The following NFIB variants were observed in gnomAD, a reference collection of about 807,000 sequenced individuals.
The protein encoded by NFIB is nuclear factor I B, also known as nuclear factor 1 B-type.
NFIB carries 11 observed loss-of-function variants against 61.5 expected under a neutral mutation model. That is an observed-to-expected ratio of 0.18 (90% CI 0.11 to 0.30). NFIB has a LOEUF of 0.30. Among genes scored for constraint, NFIB ranks in the 10% least tolerant of loss-of-function variants. NFIB has a pLI of 1.00. For missense variants in NFIB, 471 were observed against 608.9 expected (o/e 0.77, Z 2.38); for synonymous variants, 260 against 216.5 (o/e 1.20, Z -1.76).
At chr9:14,238,342 G>A (rs1179310514) in intron 2 of NFIB, among the ~76,000 whole-genome samples, 1 of 152,026 alleles carries the variant, frequency 6.6e-6, no homozygotes, top group East Asian at 1.9e-4. Context: ...CTAAAAGTAG[G>A]GGCTACAAAT....
At chr9:14,213,571 A>C (rs2050537161) in intron 2 of NFIB, among the ~76,000 whole-genome samples, 1 of 152,200 alleles carries the variant, frequency 6.6e-6, no homozygotes, top group African/African-American at 2.4e-5. Flanking sequence ...GTGGGACCAA[A>C]CTTTGGGAAC....
the NFIB span, among the ~76,000 whole-genome samples, chr9:14,526,071 T>G: frequency 1.1e-4 from 16 of 152,222 alleles, no homozygotes; most frequent in African/African-American, 3.9e-4. Context: ...CTACCAGCCG[T>G]GAGAGGAGCA....
At chr9:14,137,250 A>C (rs1222579480) in intron 6 of NFIB, among the ~76,000 whole-genome samples, 1 of 152,216 alleles carries the variant, frequency 6.6e-6, no homozygotes, top group East Asian at 1.9e-4. Context: ...CTCAATCTCT[A>C]TCAATCATTT....
At chr9:14,114,626 G>A (rs1377666017) in intron 9 of NFIB, among the ~76,000 whole-genome samples, 1 of 152,138 alleles carries the variant, frequency 6.6e-6, no homozygotes, top group Non-Finnish European at 1.5e-5. Context: ...AGTCAAATCA[G>A]ATCCCTTTTT....
the NFIB span, among the ~76,000 whole-genome samples, chr9:14,435,951 C>A: frequency 8.5e-5 from 13 of 152,366 alleles, no homozygotes; most frequent in Non-Finnish European, 1.9e-4. Flanking sequence ...AATTACTTCA[C>A]ACATTGGATC....
intron 2 of NFIB, among the ~76,000 whole-genome samples, chr9:14,299,489 T>C (rs2059632806): frequency 6.6e-6 from 1 of 152,362 alleles, no homozygotes; most frequent in Middle Eastern, 3.4e-3. Context: ...TGCATGTATT[T>C]AACATGAAAT....
chr9:14,484,315 A>G, the NFIB span, among the ~76,000 whole-genome samples: 1 of 152,176 alleles, frequency 6.6e-6, no homozygotes, highest in South Asian at 2.1e-4. Flanking sequence ...GATACTGCAA[A>G]TGTTATAACT....
chr9:14,186,265 C>CCT (rs932475347), intron 2 of NFIB, among the ~76,000 whole-genome samples: 11 of 152,202 alleles, frequency 7.2e-5, no homozygotes, highest in African/African-American at 2.6e-4. Context: ...CTACAGATAG[C>CCT]CTCTTGCTAG....
At chr9:14,089,639 G>T (rs2033534549) in intron 10 of NFIB, among the ~76,000 whole-genome samples, 1 of 152,082 alleles carries the variant, frequency 6.6e-6, no homozygotes, top group Non-Finnish European at 1.5e-5. Flanking sequence ...GGCCTAGCAT[G>T]GAAACATACT....
intron 1 of NFIB, among the ~76,000 whole-genome samples, chr9:14,309,548 T>TATGCGAG (rs1180323821): frequency 1.3e-5 from 2 of 152,238 alleles, no homozygotes; most frequent in Non-Finnish European, 2.9e-5. Flanking sequence ...ATTCAGTTAC[T>TATGCGAG]ATGCGAGCAC....
In NFIB at chr9:14,155,847, TG is replaced by T; in HGVS notation, c.662del (p.Ser221Ter). 1 of 1,586,206 alleles carries T rather than the reference TG, an allele frequency of 6.3e-7. No homozygotes were observed. The highest frequency in any genetic ancestry group is 8.6e-7 in the Non-Finnish European group (1 of 1,164,678). The part of the protein sequence containing the change: ...SFVKSGVFNV[S>X]ELVRVSRTPI... ...TACTTCTGGATACTCTTACAAGTTC[TG>T]ATACATTGAAGACTCCAGATTTTAC... On this transcript the variant is annotated frameshift_variant, in exon 4 of 11. Transcript: ENST00000380953. LOFTEE classifies it high-confidence loss of function.
intron 10 of NFIB, among the ~76,000 whole-genome samples, chr9:14,100,600 C>T (rs1471735191): frequency 1.3e-5 from 2 of 152,256 alleles, no homozygotes; most frequent in South Asian, 2.1e-4. Context: ...GTCCCAGCTA[C>T]GGAGGGGGCT....
the NFIB span, among the ~76,000 whole-genome samples, chr9:14,465,005 T>C: frequency 6.6e-6 from 1 of 152,128 alleles, no homozygotes; most frequent in African/African-American, 2.4e-5. Flanking sequence ...GGCTACAAGA[T>C]AAATGAGAAC....
At chr9:14,482,665 G>A in the NFIB span, among the ~76,000 whole-genome samples, 2 of 152,282 alleles carry the variant, frequency 1.3e-5, no homozygotes, top group East Asian at 1.9e-4. Context: ...CAAGGATGCT[G>A]TTTATATCAA....
At chr9:14,456,372 G>C in the NFIB span, among the ~76,000 whole-genome samples, 1 of 151,788 alleles carries the variant, frequency 6.6e-6, no homozygotes, top group Admixed American at 6.6e-5. Context: ...TTTTCTGGAA[G>C]GCAAAAATCA....
the NFIB span, among the ~76,000 whole-genome samples, chr9:14,505,428 C>A: frequency 6.6e-6 from 1 of 152,162 alleles, no homozygotes; most frequent in African/African-American, 2.4e-5. Flanking sequence ...GCTACAGCAT[C>A]TCACTTTGCT....
chr9:14,435,615 T>C, the NFIB span, among the ~76,000 whole-genome samples: 281 of 152,356 alleles, frequency 1.8e-3, no homozygotes, highest in Admixed American at 5.2e-3. Context: ...ATTACTATAA[T>C]TTAAATACAA....
chr9:14,262,551 G>C lies in NFIB; in HGVS notation c.562+44438C>G, dbSNP rs530716070. 2.6e-5 allele frequency among the ~76,000 whole-genome samples: 4 copies of C among 152,306 alleles called. No homozygotes were observed. The East Asian group carries it at 5.8e-4, about 22-fold the overall frequency. ...ATTTCTGGAAGAAGGAGCGCAATGGGATTGTGGTGGGCTGAAGGCTAGAAA... is the reference window on the plus strand; with the variant it reads ...ATTTCTGGAAGAAGGAGCGCAATGGCATTGTGGTGGGCTGAAGGCTAGAAA... On this transcript the variant is annotated intron_variant, in intron 2 of 10. Coordinates refer to ENST00000380953, the MANE Select transcript of NFIB (RefSeq NM_001190737.2).
chr9:14,196,434 T>A (rs188416590), intron 2 of NFIB, among the ~76,000 whole-genome samples: 1 of 152,102 alleles, frequency 6.6e-6, no homozygotes, highest in South Asian at 2.1e-4. Context: ...CAGCTTCTAG[T>A]TTGCGGAAGG....
Sources: allele counts gnomAD v4.1 joint callset (sites outside exome capture counted in the v4.1 genomes callset), GRCh38; gene constraint gnomAD v4.1.1; transcripts MANE v1.5; gene names NCBI Gene and HGNC (gene_info 2026-07-23, HGNC 2026-07-21).